The following GLB1L variants were observed in gnomAD, a reference collection of about 807,000 sequenced individuals.
GLB1L encodes beta-galactosidase-1-like protein.
A neutral mutation model predicts 75.7 loss-of-function variants in GLB1L; 58 were observed. The ratio of observed to expected loss-of-function variants is 0.77; its 90% CI spans 0.62 to 0.95. GLB1L has a LOEUF of 0.95. GLB1L is among the 40% of genes least tolerant of loss of function. GLB1L has a pLI of 0.00. For missense variants in GLB1L, 797 were observed against 805.5 expected, an observed-to-expected ratio of 0.99 and a Z score of 0.13; for synonymous variants, 296 against 303.0, an observed-to-expected ratio of 0.98 and a Z score of 0.24.
At position 219,239,945 on chromosome 2, in the gene GLB1L, G is replaced by C; in HGVS notation, c.696C>G (p.Leu232=). The change falls in exon 7 of 17, where the codon CTC becomes CTG. Residue 232 remains leucine (L), a synonymous_variant. Coordinates refer to ENST00000295759, the MANE Select transcript of GLB1L (RefSeq NM_001286423.2). ...CTGGGCCAAAATCTACAGTGGTATAGAGTCCCCGGAGGGAGCCACACTTGA... is the reference window on the plus strand; with the variant it reads ...CTGGGCCAAAATCTACAGTGGTATACAGTCCCCGGAGGGAGCCACACTTGA... ...EGLKCGSLRG[L]YTTVDFGPAD... The C allele has an allele frequency of 6.2e-7, 1 of 1,614,152 alleles. No individual in the cohort carries two copies. The highest frequency in any genetic ancestry group is 8.5e-7 in the Non-Finnish European group (1 of 1,180,052).
rs766233849 is a variant in GLB1L, at chr2:219,237,358, G to C, written c.1690-11C>G. On this transcript the variant is annotated splice_polypyrimidine_tract_variant and intron_variant, in intron 16 of 16. Coordinates refer to ENST00000295759, the MANE Select transcript of GLB1L (RefSeq NM_001286423.2). ...GATCCAGACTTGGCCCTGGGGAATA[G>C]GGAGCAGGAAAGAGGGGAAAAGAAA... The C allele has an allele frequency of 6.2e-7, 1 of 1,611,682 alleles. No individual in the cohort carries two copies. Among genetic ancestry groups the C allele is most frequent in the South Asian group, 1.1e-5 (1 of 91,014 alleles).
chr2:219,237,705 A>C lies in GLB1L; in HGVS notation c.1496T>G (p.Leu499Arg), dbSNP rs1951284360. 12 of 1,614,102 alleles carry C rather than the reference A, an allele frequency of 7.4e-6. No individual in the cohort carries two copies. The highest frequency in any genetic ancestry group is 1.7e-5 in the Admixed American group (1 of 60,002). Reference sequence around the variant, plus strand: ...CCACTGGGTAAGGATTGTTTGCCCCAGAATTGGTGGCTTCAACAGGCCCTA... The same window carrying C: ...CCACTGGGTAAGGATTGTTTGCCCCCGAATTGGTGGCTTCAACAGGCCCTA... ...DFKGLLKPPI[L>R]GQTILTQWMM... The change falls in exon 16 of 17, where the codon CTG becomes CGG. Residue 499 changes from leucine to arginine, a missense_variant. Coordinates refer to ENST00000295759, the MANE Select transcript of GLB1L (RefSeq NM_001286423.2).
chr2:219,242,144 C>T (rs564504555), intron 5 of GLB1L, among the ~76,000 whole-genome samples: 3 of 152,216 alleles, frequency 2.0e-5, no homozygotes, highest in East Asian at 1.9e-4. Context: ...CCCACCACCT[C>T]GCCCAGCCAA....
intron 14 of GLB1L, 100 bp downstream of exon 14, chr2:219,238,150 G>T: frequency 2.8e-6 from 3 of 1,059,728 alleles, no homozygotes; most frequent in South Asian, 1.5e-5. Context: ...CTGCAAACGT[G>T]AACAGGCAGG....
chr2:219,243,832 C>A lies in GLB1L; in HGVS notation c.-70-189G>T, dbSNP rs1281291792. ...GTTAGAAATGGAGAATCTGGCTGGG[C>A]ACGATGGCTCACGCCTGTAATCCCA... On this transcript the variant is annotated intron_variant, in intron 1 of 16. Coordinates refer to ENST00000295759, the MANE Select transcript of GLB1L (RefSeq NM_001286423.2). 7 of 439,404 alleles carry A rather than the reference C, an allele frequency of 1.6e-5. No homozygotes were observed. The East Asian group carries it at 2.3e-4, about 14-fold the overall frequency. 27.2% of individuals were successfully genotyped at this position (439,404 alleles called of 1,614,324 possible). A position where few individuals can be genotyped will look rare whatever the true frequency, so the allele number is the denominator to read the frequency against.
At chr2:219,242,623 G>T (rs1951418846) in intron 4 of GLB1L, 49 bp from the exon 5 acceptor site, 2 of 1,560,826 alleles carry the variant, frequency 1.3e-6, no homozygotes, top group East Asian at 4.5e-5. Flanking sequence ...TTTGTTTTGG[G>T]GTGTGGTGGG....
At chr2:219,239,738 C>T in intron 8 of GLB1L, 37 bp downstream of exon 8, 1 of 1,614,200 alleles carries the variant, frequency 6.2e-7, no homozygotes, top group Non-Finnish European at 8.5e-7. Context: ...GGACCCATTC[C>T]TATCCCTGAT....
At position 219,236,630 on chromosome 2, in the gene GLB1L, C is replaced by G; in HGVS notation, c.*442G>C. ...CTGGTACTGTCTCTGGAATTTTAAT[C>G]ACAATAAAGTTTGGCAAGGAATGTG... is the stretch of plus-strand genomic sequence containing the variant. On this transcript the variant is annotated 3_prime_UTR_variant, in exon 17 of 17. Transcript: ENST00000295759. 1.3e-6 allele frequency: 1 copy of G among 799,058 alleles called. No homozygotes were observed. The highest frequency in any genetic ancestry group is 3.4e-5 in the Admixed American group (1 of 29,546). The allele number at this position is 799,058 out of a possible 1,614,324, so 49.5% of individuals were successfully genotyped here. A position where few individuals can be genotyped will look rare whatever the true frequency, so the allele number is the denominator to read the frequency against.
At chr2:219,239,316 C>T (rs1951328451) in intron 10 of GLB1L, 95 bp downstream of exon 10, 1 of 1,474,776 alleles carries the variant, frequency 6.8e-7, no homozygotes, top group African/African-American at 1.4e-5. Context: ...CAGAGGTGGC[C>T]ATATTCAGCT....
Position 219,237,603 on chromosome 2 carries a change from T to G in GLB1L, c.1598A>C (p.Gln533Pro). The G allele has an allele frequency of 6.2e-7, 1 of 1,614,074 alleles. No homozygotes were observed. The highest frequency in any genetic ancestry group is 8.5e-7 in the Non-Finnish European group (1 of 1,179,976). ...PLQLPKWPYPQAPSGPTFYSK... is the reference protein window; with the variant it reads ...PLQLPKWPYPPAPSGPTFYSK... ...GTAGAATGTGGGGCCAGAAGGAGCTTGAGGATATGGCCATTTTGGCAACTG... is the reference window on the plus strand; with the variant it reads ...GTAGAATGTGGGGCCAGAAGGAGCTGGAGGATATGGCCATTTTGGCAACTG... The change falls in exon 16 of 17, where the codon CAA becomes CCA. Residue 533 changes from glutamine to proline, a missense_variant. Gln to Pro is a moderately conservative substitution (Grantham distance 76, BLOSUM62 -1). Coordinates refer to ENST00000295759, the MANE Select transcript of GLB1L (RefSeq NM_001286423.2).
In GLB1L at chr2:219,236,852, C is replaced by T; in HGVS notation, c.*220G>A. The T allele has an allele frequency of 2.3e-6, 1 of 436,646 alleles. No homozygotes were observed. Among genetic ancestry groups the T allele is most frequent in the Non-Finnish European group, 4.1e-6 (1 of 242,880 alleles). The allele number at this position is 436,646 out of a possible 1,614,324, so 27.0% of individuals were successfully genotyped here. On this transcript the variant is annotated 3_prime_UTR_variant, in exon 17 of 17. Transcript: ENST00000295759. ...CAACCTCCACTCACTGCAACCTCTG[C>T]CTCCTGGATTCAAGCAATTCTCCTG...
In GLB1L at chr2:219,243,610, C is replaced by T; in HGVS notation, c.-37G>A. 6.2e-7 allele frequency: 1 copy of T among 1,602,172 alleles called. No homozygotes were observed. The highest frequency in any genetic ancestry group is 1.7e-4 in the Middle Eastern group (1 of 6,000). On this transcript the variant is annotated 5_prime_UTR_variant, in exon 2 of 17. Transcript: ENST00000295759. ...CGCTCCTCTAGTCTGAGACGGCGGACAGACCGTCACGTGTCGGATTCCTGG... is the reference window on the plus strand; with the variant it reads ...CGCTCCTCTAGTCTGAGACGGCGGATAGACCGTCACGTGTCGGATTCCTGG...
rs1951453472 is a variant in GLB1L at position 219,243,587 on chromosome 2, C to A, written c.-14G>T. ...CTTGGGAGCCATGGCGTTTACAGCG[C>A]TCCTCTAGTCTGAGACGGCGGACAG... On this transcript the variant is annotated 5_prime_UTR_variant, in exon 2 of 17. Coordinates refer to ENST00000295759, the MANE Select transcript of GLB1L (RefSeq NM_001286423.2). 1 of 1,613,686 alleles carries A rather than the reference C, an allele frequency of 6.2e-7. No homozygotes were observed. Among genetic ancestry groups the A allele is most frequent in the South Asian group, 1.1e-5 (1 of 91,056 alleles).
intron 3 of GLB1L, 97 bp downstream of exon 3, chr2:219,243,051 A>G (rs1469846385): frequency 6.5e-7 from 1 of 1,544,556 alleles, no homozygotes. Flanking sequence ...CCCTTGGCCT[A>G]GGAGTCCTGG....
intron 2 of GLB1L, 88 bp downstream of exon 2, chr2:219,243,413 TG>T: frequency 6.3e-7 from 1 of 1,593,072 alleles, no homozygotes; most frequent in Non-Finnish European, 8.6e-7. Flanking sequence ...CCCTGCGGGT[TG>T]TTTGGTTGTT....
Position 219,239,159 on chromosome 2 carries a change from T to C in GLB1L, c.995A>G (p.Asp332Gly), listed in dbSNP as rs771195423. The C allele has an allele frequency of 1.2e-6, 2 of 1,614,110 alleles. No homozygotes were observed. The highest frequency in any genetic ancestry group is 1.7e-6 in the Non-Finnish European group (2 of 1,179,986). Residue 332 changes from aspartate (D) to glycine (G), a missense_variant, in exon 11 of 17, where the codon GAT becomes GGT. Transcript: ENST00000295759. ...GTCCCCTGCTTCAGATATAGGTGCA[T>C]CATAGTCATAGCTGGTAGTAATCGG... is the stretch of plus-strand genomic sequence containing the variant. ...FLPITTSYDY[D>G]APISEAGDPT...
rs1426374260 is a variant in GLB1L at position 219,238,531 on chromosome 2, A to G, written c.1191T>C (p.His397=). The change falls in exon 13 of 17, where the codon CAT becomes CAC. Residue 397 remains histidine, a synonymous_variant. Coordinates refer to ENST00000295759, the MANE Select transcript of GLB1L (RefSeq NM_001286423.2). ...CCTCAAAGGTCATTGGCAAGATTGA[A>G]TGAATGGGCCCACGGGGGCAAAGCA... is the stretch of plus-strand genomic sequence containing the variant. ...LDLLCPRGPI[H]SILPMTFEAV... The G allele has an allele frequency of 6.2e-7, 1 of 1,614,114 alleles. No homozygotes were observed. Among genetic ancestry groups the G allele is most frequent in the South Asian group, 1.1e-5 (1 of 91,074 alleles).
chr2:219,240,090 T>C lies in GLB1L; in HGVS notation c.551A>G (p.Glu184Gly). 6.2e-7 allele frequency: 1 copy of C among 1,614,164 alleles called. No individual in the cohort carries two copies. Among genetic ancestry groups the C allele is most frequent in the Non-Finnish European group, 8.5e-7 (1 of 1,180,036 alleles). The change falls in exon 7 of 17, where the codon GAG becomes GGG. Residue 184 changes from glutamate to glycine, a missense_variant. Coordinates refer to ENST00000295759, the MANE Select transcript of GLB1L (RefSeq NM_001286423.2). ...GGCTCTGTAGCTACCATATTCATTC[T>C]CCACCTGCCAGAGGGGAGGGAAAGT... The part of the protein sequence containing the change: ...NGGNIISIQV[E>G]NEYGSYRACD...
At chr2:219,243,664 A>G in intron 1 of GLB1L, 21 bp from the exon 2 acceptor site, 1 of 1,301,648 alleles carries the variant, frequency 7.7e-7, no homozygotes, top group Admixed American at 1.8e-5. Flanking sequence ...AAGGGGGCGG[A>G]AACCACCTCA....
Sources: gnomAD v4.1 joint callset for allele counts (sites outside exome capture counted in the v4.1 genomes callset) on GRCh38, gnomAD v4.1.1 for gene constraint, MANE v1.5 for transcripts, NCBI Gene and HGNC (gene_info 2026-07-23, HGNC 2026-07-21) for gene names.